The following HS2ST1 variants were observed in gnomAD, a reference collection of about 807,000 sequenced individuals.
HS2ST1 encodes heparan sulfate 2-O-sulfotransferase 1.
Under a neutral mutation model 42.9 loss-of-function variants are expected in HS2ST1, and 18 were observed. The ratio of observed to expected loss-of-function variants is 0.42; its 90% confidence interval spans 0.29 to 0.62. The LOEUF (loss-of-function observed/expected upper bound fraction) is 0.62, where lower values mean the gene tolerates loss of function less well. Among genes scored for constraint, HS2ST1 ranks in the 20% least tolerant of loss-of-function variants. The pLI is 0.21. For synonymous variants in HS2ST1, 146 were observed against 152.9 expected (o/e 0.95, Z 0.33); for missense variants, 334 against 433.8 (o/e 0.77, Z 2.04).
chr1:86,962,897 A>G (rs772207459), intron 1 of HS2ST1, among the ~76,000 whole-genome samples: 4 of 152,368 alleles, frequency 2.6e-5, no homozygotes, highest in Admixed American at 2.0e-4. Context: ...AGTAAGTTCC[A>G]TAAGTGAAAA....
At chr1:87,046,738 T>C (rs1650681107) in intron 1 of HS2ST1, 1 of 856,914 alleles carries the variant, frequency 1.2e-6, no homozygotes, top group Non-Finnish European at 1.7e-6. Context: ...TGAGATGGAG[T>C]GTAGCTCTGT....
At chr1:86,966,619 G>T (rs1313569119) in intron 1 of HS2ST1, among the ~76,000 whole-genome samples, 1 of 152,084 alleles carries the variant, frequency 6.6e-6, no homozygotes, top group Non-Finnish European at 1.5e-5. Context: ...ATCCTGTTTT[G>T]TTTGTTTGTT....
At chr1:87,015,607 G>A (rs1223675357) in intron 1 of HS2ST1, among the ~76,000 whole-genome samples, 1 of 152,028 alleles carries the variant, frequency 6.6e-6, no homozygotes, top group Non-Finnish European at 1.5e-5. Context: ...GCCTCCCAAA[G>A]TGCTGGGATT....
At position 86,985,427 on chromosome 1, in the gene HS2ST1, T is replaced by C. The variant is rs1322746067; in HGVS notation, c.124+70267T>C. On this transcript the variant is annotated intron_variant, in intron 1 of 6. Coordinates refer to ENST00000370550, the MANE Select transcript of HS2ST1 (RefSeq NM_012262.4). Reference sequence around the variant, plus strand: ...ATATATACACATATATATACACATATATACACACATATATACACATATATA... The same window carrying C: ...ATATATACACATATATATACACATACATACACACATATATACACATATATA... 9.5e-4 allele frequency among the ~76,000 whole-genome samples: 51 copies of C among 53,488 alleles called. 3 individuals are homozygous for C. Among genetic ancestry groups the C allele is most frequent in the Admixed American group, 3.5e-3 (12 of 3,408 alleles). 35.1% of individuals were successfully genotyped at this position (53,488 alleles called of 152,430 possible).
chr1:87,034,990 A>C (rs1214800831), intron 1 of HS2ST1, among the ~76,000 whole-genome samples: 1 of 152,216 alleles, frequency 6.6e-6, no homozygotes, highest in Non-Finnish European at 1.5e-5. Context: ...GTCCTAAAGA[A>C]ATGTAATGAC....
Position 86,924,185 on chromosome 1 carries a change from C to T in HS2ST1, c.124+9025C>T, listed in dbSNP as rs577730688. ...AAACCTTCAAAATGATATCCTTTGA[C>T]TCCATGTCTCACATCCAGGTCACAC... On this transcript the variant is annotated intron_variant, in intron 1 of 6. Coordinates refer to ENST00000370550, the MANE Select transcript of HS2ST1 (RefSeq NM_012262.4). Among the ~76,000 whole-genome samples, 19 of 152,368 alleles carry T rather than the reference C, an allele frequency of 1.2e-4. No individual in the cohort carries two copies. In the South Asian group the frequency reaches 1.9e-3, roughly 15 times the overall value.
At chr1:86,943,449 C>A (rs1244467105) in intron 1 of HS2ST1, among the ~76,000 whole-genome samples, 1 of 152,108 alleles carries the variant, frequency 6.6e-6, no homozygotes, top group Admixed American at 6.6e-5. Context: ...GGGTGCAGTG[C>A]CCCACGCCTT....
intron 1 of HS2ST1, chr1:87,064,473 G>C (rs773667729): frequency 1.4e-4 from 71 of 518,500 alleles, no homozygotes; most frequent in South Asian, 9.2e-4. Flanking sequence ...GTCACTGTTA[G>C]CTCTTTTTTA....
intron 1 of HS2ST1, among the ~76,000 whole-genome samples, chr1:86,940,305 TAA>T (rs1488760778): frequency 6.6e-6 from 1 of 152,062 alleles, no homozygotes; most frequent in Non-Finnish European, 1.5e-5. Flanking sequence ...GTCCAGGAGG[TAA>T]AGTCTGCAGT....
intron 1 of HS2ST1, among the ~76,000 whole-genome samples, chr1:86,969,906 A>C (rs1355959144): frequency 6.6e-6 from 1 of 152,100 alleles, no homozygotes; most frequent in Non-Finnish European, 1.5e-5. Context: ...CAGGTGGTTC[A>C]CCTGAAGTCA....
chr1:87,063,286 C>T (rs1255662381), intron 1 of HS2ST1, among the ~76,000 whole-genome samples: 1 of 152,074 alleles, frequency 6.6e-6, no homozygotes, highest in Non-Finnish European at 1.5e-5. Context: ...TCATCTCTTC[C>T]ATTCTGCTGT....
At chr1:87,099,397 G>A (rs927715323) in intron 5 of HS2ST1, among the ~76,000 whole-genome samples, 1 of 152,208 alleles carries the variant, frequency 6.6e-6, no homozygotes, top group Non-Finnish European at 1.5e-5. Flanking sequence ...GTGGGCAGTA[G>A]GGGTGGGGGT....
intron 1 of HS2ST1, among the ~76,000 whole-genome samples, chr1:87,010,033 T>G (rs1296027113): frequency 7.9e-6 from 1 of 127,182 alleles, no homozygotes; most frequent in Non-Finnish European, 1.6e-5. Flanking sequence ...AGACTCTGTC[T>G]CAAAAACAAA....
Position 87,101,149 on chromosome 1 carries a change from G to GTGTTTT in HS2ST1, c.687-2282_687-2281insGTTTTT, listed in dbSNP as rs1557546421. ...TCATCACTTTTGTGTGTGTGTGTGT[G>GTGTTTT]TTTTTTGTTTTTTTTTTTTTTTTTT... is the stretch of plus-strand genomic sequence containing the variant. On this transcript the variant is annotated intron_variant, in intron 5 of 6. Coordinates refer to ENST00000370550, the MANE Select transcript of HS2ST1 (RefSeq NM_012262.4). 5.5e-4 allele frequency among the ~76,000 whole-genome samples: 33 copies of GTGTTTT among 59,540 alleles called. No individual in the cohort carries two copies. In the East Asian group the frequency reaches 7.8e-3, roughly 14 times the overall value. The allele number at this position is 59,540 out of a possible 152,430, so 39.1% of individuals were successfully genotyped here.
intron 1 of HS2ST1, among the ~76,000 whole-genome samples, chr1:86,947,461 A>G (rs1647376499): frequency 1.3e-5 from 2 of 152,182 alleles, no homozygotes; most frequent in African/African-American, 2.4e-5. Flanking sequence ...TGTTTAGTAT[A>G]GTAACATGAA....
At chr1:87,056,752 T>A (rs1229627768) in intron 1 of HS2ST1, among the ~76,000 whole-genome samples, 1 of 152,184 alleles carries the variant, frequency 6.6e-6, no homozygotes, top group Non-Finnish European at 1.5e-5. Context: ...ATTTGGAGGA[T>A]CTGCATAACT....
chr1:87,035,101 C>T (rs1209269430), intron 1 of HS2ST1, among the ~76,000 whole-genome samples: 5 of 152,100 alleles, frequency 3.3e-5, no homozygotes, highest in African/African-American at 1.2e-4. Context: ...GCAGGTGGCT[C>T]CCAGGAGCTA....
chr1:87,041,129 A>T (rs1448103546), intron 1 of HS2ST1, among the ~76,000 whole-genome samples: 1 of 149,648 alleles, frequency 6.7e-6, no homozygotes, highest in Non-Finnish European at 1.5e-5. Context: ...TTTAAAGGGG[A>T]GAAGGAGAAA....
chr1:87,014,743 C>G (rs1056875643), intron 1 of HS2ST1, among the ~76,000 whole-genome samples: 1 of 152,214 alleles, frequency 6.6e-6, no homozygotes, highest in Non-Finnish European at 1.5e-5. Flanking sequence ...ATAAATACTT[C>G]TACCCAACAC....
Sources: gnomAD v4.1 joint callset for allele counts (sites outside exome capture counted in the v4.1 genomes callset) on GRCh38, gnomAD v4.1.1 for gene constraint, MANE v1.5 for transcripts, NCBI Gene and HGNC (gene_info 2026-07-23, HGNC 2026-07-21) for gene names.